VAV3: variants seen among roughly 807,000 people sequenced by gnomAD.
The protein encoded by VAV3 is guanine nucleotide exchange factor VAV3.
In VAV3, 94 loss-of-function variants were observed where a neutral mutation model predicts 131.2. The observed-to-expected ratio is 0.72, with a 90% CI of 0.61 to 0.85. VAV3 has a LOEUF of 0.85. VAV3 is among the 40% of genes least tolerant of loss of function. The pLI is 0.00. For missense variants in VAV3, 939 were observed against 1,002.7 expected (o/e 0.94, Z 0.86); for synonymous variants, 349 against 342.0 (o/e 1.02, Z -0.22).
intron 19 of VAV3, among the ~76,000 whole-genome samples, chr1:107,654,466 A>G (rs1208564739): frequency 6.6e-6 from 1 of 152,102 alleles, no homozygotes; most frequent in East Asian, 1.9e-4. Context: ...TTTGTCATCT[A>G]CAATTTTTCA....
intron 9 of VAV3, among the ~76,000 whole-genome samples, chr1:107,762,567 T>C (rs1319108056): frequency 6.6e-6 from 1 of 152,216 alleles, no homozygotes; most frequent in Non-Finnish European, 1.5e-5. Context: ...AATTAGTAGG[T>C]CTTATCTCCT....
At chr1:107,651,198 G>A (rs769671486) in intron 19 of VAV3, among the ~76,000 whole-genome samples, 13 of 152,102 alleles carry the variant, frequency 8.5e-5, no homozygotes, top group Non-Finnish European at 1.6e-4. Context: ...TTAGACTCCA[G>A]AACTGTCAGC....
chr1:107,905,959 T>A (rs940389443), intron 1 of VAV3, among the ~76,000 whole-genome samples: 2 of 152,104 alleles, frequency 1.3e-5, no homozygotes, highest in African/African-American at 4.8e-5. Context: ...TCAACACAAG[T>A]GAAGAGTCTA....
intron 20 of VAV3, among the ~76,000 whole-genome samples, chr1:107,628,222 C>T (rs1654182794): frequency 6.6e-6 from 1 of 152,088 alleles, no homozygotes; most frequent in Admixed American, 6.6e-5. Flanking sequence ...AAAAGATCCC[C>T]CTAATCAGCC....
rs368973784 is a variant in VAV3 at position 107,627,259 on chromosome 1, T to C, written c.1915-9627A>G. Among the ~76,000 whole-genome samples, 10 of 152,338 alleles carry C rather than the reference T, an allele frequency of 6.6e-5. No individual in the cohort carries two copies. The South Asian group carries it at 1.0e-3, about 16-fold the overall frequency. ...CTCCATCACTCTCTGTGAGGTATCC[T>C]GGGTCTTCCTCAATCAAACCTGCTC... On this transcript the variant is annotated intron_variant, in intron 20 of 26. Transcript: ENST00000370056.
At chr1:107,605,265 T>A (rs760213026) in intron 22 of VAV3, among the ~76,000 whole-genome samples, 1 of 152,180 alleles carries the variant, frequency 6.6e-6, no homozygotes, top group Non-Finnish European at 1.5e-5. Flanking sequence ...AAAGGTAGAA[T>A]CCTTAAAAAG....
chr1:107,766,005 G>A (rs541799384), intron 8 of VAV3, among the ~76,000 whole-genome samples: 62 of 152,170 alleles, frequency 4.1e-4, no homozygotes, highest in Non-Finnish European at 5.0e-4. Context: ...CTGACTCTGC[G>A]AATCTAATAC....
At chr1:107,915,832 A>C (rs1306553960) in intron 1 of VAV3, among the ~76,000 whole-genome samples, 1 of 152,206 alleles carries the variant, frequency 6.6e-6, no homozygotes, top group Non-Finnish European at 1.5e-5. Context: ...TGGACTTACT[A>C]GGTCCGGGCA....
intron 25 of VAV3, among the ~76,000 whole-genome samples, chr1:107,578,369 A>G (rs1047964118): frequency 1.3e-5 from 2 of 152,232 alleles, no homozygotes; most frequent in African/African-American, 4.8e-5. Context: ...TAATCAGCCC[A>G]AATCATTTTC....
intron 1 of VAV3, among the ~76,000 whole-genome samples, chr1:107,930,744 T>C (rs1673392948): frequency 6.6e-6 from 1 of 152,192 alleles, no homozygotes; most frequent in Non-Finnish European, 1.5e-5. Flanking sequence ...GAGATGATAC[T>C]GTCACCACCT....
At chr1:107,909,608 G>A (rs1323163083) in intron 1 of VAV3, among the ~76,000 whole-genome samples, 1 of 152,078 alleles carries the variant, frequency 6.6e-6, no homozygotes, top group Non-Finnish European at 1.5e-5. Flanking sequence ...TTTAAAATGG[G>A]AAATTTCCGA....
chr1:107,687,543 T>C (rs1174166700), intron 18 of VAV3, among the ~76,000 whole-genome samples: 1 of 152,168 alleles, frequency 6.6e-6, no homozygotes, highest in East Asian at 1.9e-4. Context: ...TCTAAAAATG[T>C]TTTGCTATGG....
At chr1:107,618,457 A>C (rs999019677) in intron 20 of VAV3, among the ~76,000 whole-genome samples, 1 of 152,242 alleles carries the variant, frequency 6.6e-6, no homozygotes, top group African/African-American at 2.4e-5. Context: ...AAAAAGAAAT[A>C]GGATACTTAT....
intron 1 of VAV3, among the ~76,000 whole-genome samples, chr1:107,879,505 A>G (rs1670661814): frequency 6.6e-6 from 1 of 152,212 alleles, no homozygotes. Context: ...TGATGAATGT[A>G]TGATTTTATG....
intron 15 of VAV3, among the ~76,000 whole-genome samples, chr1:107,722,204 C>A (rs747074141): frequency 2.6e-4 from 39 of 152,170 alleles, no homozygotes; most frequent in Non-Finnish European, 5.0e-4. Context: ...TAGATTGATC[C>A]TCTATTCCTG....
intron 1 of VAV3, among the ~76,000 whole-genome samples, chr1:107,906,165 C>T (rs1332194713): frequency 1.3e-5 from 2 of 152,200 alleles, no homozygotes; most frequent in African/African-American, 4.8e-5. Context: ...GATCTTCCAG[C>T]ATTCCCTGTT....
At chr1:107,593,942 G>A (rs1303101488) in intron 25 of VAV3, among the ~76,000 whole-genome samples, 1 of 152,048 alleles carries the variant, frequency 6.6e-6, no homozygotes, top group African/African-American at 2.4e-5. Context: ...TACCATGTAA[G>A]AGCACTATGC....
chr1:107,837,452 C>T (rs188047707), intron 2 of VAV3, among the ~76,000 whole-genome samples: 1 of 152,142 alleles, frequency 6.6e-6, no homozygotes, highest in East Asian at 1.9e-4. Context: ...ATTAAAATGG[C>T]CATACTGTCC....
At chr1:107,705,191 G>A in intron 15 of VAV3, 130 bp from the exon 16 acceptor site, 1 of 714,036 alleles carries the variant, frequency 1.4e-6, no homozygotes, top group Non-Finnish European at 2.3e-6. Flanking sequence ...ACTACTAAAT[G>A]TGCAATGTTT....
Sources: allele counts gnomAD v4.1 joint callset (sites outside exome capture counted in the v4.1 genomes callset), GRCh38; gene constraint gnomAD v4.1.1; transcripts MANE v1.5; gene names NCBI Gene and HGNC (gene_info 2026-07-23, HGNC 2026-07-21).